The following GRM7 variants were observed in gnomAD, a reference collection of about 807,000 sequenced individuals.
GRM7 encodes the protein metabotropic glutamate receptor 7.
Under a neutral mutation model 84.5 loss-of-function variants are expected in GRM7, and 35 were observed. The observed-to-expected ratio is 0.41, with a 90% CI of 0.32 to 0.55. The LOEUF is 0.55. Among genes scored for constraint, GRM7 ranks in the 20% least tolerant of loss-of-function variants. GRM7 has a pLI of 0.19. For synonymous variants in GRM7, 487 were observed against 455.1 expected, an observed-to-expected ratio of 1.07 and a Z score of -0.89; for missense variants, 1,003 against 1,194.6, an observed-to-expected ratio of 0.84 and a Z score of 2.36.
intron 5 of GRM7, among the ~76,000 whole-genome samples, chr3:7,444,937 ATTAGGATGT>A (rs567558015): frequency 1.1e-3 from 171 of 152,312 alleles, no homozygotes; most frequent in Middle Eastern, 3.4e-3. Flanking sequence ...TCTGCAGAAC[ATTAGGATGT>A]TAATGGTTCA....
chr3:7,592,689 T>A (rs138251623), intron 8 of GRM7, among the ~76,000 whole-genome samples: 357 of 152,342 alleles, frequency 2.3e-3, no homozygotes, highest in African/African-American at 8.2e-3. Flanking sequence ...GTCTGCTACC[T>A]GACAAGTGAC....
chr3:7,183,187 A>G (rs1695401950), intron 2 of GRM7, among the ~76,000 whole-genome samples: 1 of 152,234 alleles, frequency 6.6e-6, no homozygotes, highest in East Asian at 1.9e-4. Flanking sequence ...CAAAGGATAA[A>G]TTTGCATATC....
At chr3:7,130,963 A>G (rs950388515) in intron 1 of GRM7, among the ~76,000 whole-genome samples, 1 of 151,906 alleles carries the variant, frequency 6.6e-6, no homozygotes, top group Non-Finnish European at 1.5e-5. Flanking sequence ...ACACACACGC[A>G]CACACGTGCG....
intron 7 of GRM7, among the ~76,000 whole-genome samples, chr3:7,553,235 C>T (rs1693577856): frequency 6.6e-6 from 1 of 152,158 alleles, no homozygotes; most frequent in Admixed American, 6.5e-5. Flanking sequence ...CAACAAGTTC[C>T]TCATCTCTAT....
rs1035521675 is a variant in GRM7, at chr3:6,944,801, C to T, written c.519+82894C>T. 1.2e-4 allele frequency among the ~76,000 whole-genome samples: 18 copies of T among 152,088 alleles called. No homozygotes were observed. In the East Asian group the frequency reaches 3.1e-3, roughly 26 times the overall value. On this transcript the variant is annotated intron_variant, in intron 1 of 9. Transcript: ENST00000357716. ...GAATTTACTAGTAAATATATCTGGA[C>T]CTGGAGTTTTTATTGTGAGAAGGTT...
intron 2 of GRM7, among the ~76,000 whole-genome samples, chr3:7,178,308 C>T (rs957231628): frequency 6.6e-6 from 1 of 151,848 alleles, no homozygotes. Context: ...TTTTCATTGC[C>T]TTGTTTCTGC....
chr3:7,507,538 A>T (rs955417021), intron 7 of GRM7, among the ~76,000 whole-genome samples: 1 of 152,230 alleles, frequency 6.6e-6, no homozygotes, highest in African/African-American at 2.4e-5. Context: ...CAAGCTAATT[A>T]AAACCAATTA....
chr3:7,432,890 A>G (rs1696888792), intron 5 of GRM7, among the ~76,000 whole-genome samples: 1 of 152,208 alleles, frequency 6.6e-6, no homozygotes, highest in African/African-American at 2.4e-5. Flanking sequence ...AAGGGAGTTA[A>G]TGCAACACTA....
intron 8 of GRM7, among the ~76,000 whole-genome samples, chr3:7,652,205 AG>A (rs1484181910): frequency 5.3e-5 from 8 of 152,182 alleles, no homozygotes; most frequent in Non-Finnish European, 8.8e-5. Flanking sequence ...TTGAGAGTGA[AG>A]GGGGAAACCA....
intron 7 of GRM7, among the ~76,000 whole-genome samples, chr3:7,528,718 C>T (rs1700908224): frequency 6.6e-6 from 1 of 151,886 alleles, no homozygotes; most frequent in Admixed American, 6.6e-5. Context: ...GTTGTGTCTG[C>T]ATTTTCATTT....
intron 9 of GRM7, among the ~76,000 whole-genome samples, chr3:7,729,221 A>G (rs1394279205): frequency 1.3e-5 from 2 of 152,176 alleles, no homozygotes; most frequent in African/African-American, 4.8e-5. Context: ...ACAGTGCACC[A>G]AACTATTTGA....
intron 9 of GRM7, among the ~76,000 whole-genome samples, chr3:7,739,886 T>C (rs1702632244): frequency 6.6e-6 from 1 of 152,204 alleles, no homozygotes. Flanking sequence ...CTGTAGTCTT[T>C]TGATTGTGTG....
chr3:7,370,036 C>T (rs1186473911), intron 4 of GRM7, among the ~76,000 whole-genome samples: 1 of 152,120 alleles, frequency 6.6e-6, no homozygotes, highest in Non-Finnish European at 1.5e-5. Context: ...ATTCCAGCCA[C>T]TTTGCCTCAC....
intron 2 of GRM7, among the ~76,000 whole-genome samples, chr3:7,177,352 C>T (rs1198705690): frequency 5.3e-5 from 8 of 152,170 alleles, no homozygotes; most frequent in Admixed American, 2.0e-4. Flanking sequence ...TTTCTACTAC[C>T]TAACATGAGC....
chr3:7,569,741 T>C (rs1030089777), intron 7 of GRM7, among the ~76,000 whole-genome samples: 14 of 151,738 alleles, frequency 9.2e-5, no homozygotes, highest in Non-Finnish European at 2.1e-4. Flanking sequence ...AAGGAACAAC[T>C]CCAGACACAC....
intron 1 of GRM7, among the ~76,000 whole-genome samples, chr3:7,144,499 G>A (rs1299450255): frequency 1.1e-4 from 17 of 152,148 alleles, no homozygotes; most frequent in Non-Finnish European, 4.4e-5. Flanking sequence ...GAGAATGTTC[G>A]TGATGACGTG....
intron 1 of GRM7, among the ~76,000 whole-genome samples, chr3:7,070,547 G>T (rs1472505682): frequency 1.3e-5 from 2 of 152,032 alleles, no homozygotes; most frequent in Non-Finnish European, 2.9e-5. Context: ...AGACACTATT[G>T]TTCACGTAGG....
chr3:7,591,349 G>A, intron 8 of GRM7: 1 of 271,450 alleles, frequency 3.7e-6, no homozygotes, highest in East Asian at 1.1e-4. Flanking sequence ...CTTCAGAACA[G>A]TAAAGATGAA....
chr3:7,249,911 C>T (rs1007121663), intron 2 of GRM7, among the ~76,000 whole-genome samples: 11 of 152,092 alleles, frequency 7.2e-5, no homozygotes, highest in Admixed American at 2.0e-4. Context: ...CAGGTGATAC[C>T]AGGTCTGCAT....
Sources: allele counts gnomAD v4.1 joint callset (sites outside exome capture counted in the v4.1 genomes callset), GRCh38; gene constraint gnomAD v4.1.1; transcripts MANE v1.5; gene names NCBI Gene and HGNC (gene_info 2026-07-23, HGNC 2026-07-21).